The following SULF1 variants were observed in gnomAD, a reference collection of about 807,000 sequenced individuals.
SULF1 encodes extracellular sulfatase Sulf-1.
A neutral mutation model predicts 110.5 loss-of-function variants in SULF1; 46 were observed. That is an observed-to-expected ratio of 0.42 (90% CI 0.33 to 0.53). The LOEUF (loss-of-function observed/expected upper bound fraction) is 0.53. SULF1 is among the 20% of genes least tolerant of loss of function. SULF1 has a pLI of 0.12. For synonymous variants in SULF1, 371 were observed against 387.1 expected, an observed-to-expected ratio of 0.96 and a Z score of 0.49; for missense variants, 941 against 1,094.2, an observed-to-expected ratio of 0.86 and a Z score of 1.98.
chr8:69,542,497 G>A (rs984018100), intron 3 of SULF1, among the ~76,000 whole-genome samples: 4 of 151,786 alleles, frequency 2.6e-5, no homozygotes, highest in African/African-American at 4.8e-5. Flanking sequence ...CAGTGATTTG[G>A]GCTTAGCCAT....
chr8:69,515,363 C>T (rs1811858444), intron 3 of SULF1, among the ~76,000 whole-genome samples: 1 of 152,140 alleles, frequency 6.6e-6, no homozygotes, highest in Non-Finnish European at 1.5e-5. Flanking sequence ...TTATCTTGGC[C>T]CCTGTTAGCC....
At chr8:69,502,788 A>G (rs533614243) in intron 3 of SULF1, among the ~76,000 whole-genome samples, 1 of 150,028 alleles carries the variant, frequency 6.7e-6, no homozygotes, top group East Asian at 2.0e-4. Flanking sequence ...CCTGGGTTCA[A>G]GCAATTCTCC....
chr8:69,652,126 G>T (rs961344552), intron 22 of SULF1, among the ~76,000 whole-genome samples: 5 of 151,996 alleles, frequency 3.3e-5, no homozygotes, highest in African/African-American at 1.2e-4. Context: ...GTTTTCTGGG[G>T]TCACATCTCG....
chr8:69,629,390 C>T (rs1284949412), intron 18 of SULF1, 114 bp from the exon 19 acceptor site: 1 of 1,101,388 alleles, frequency 9.1e-7, no homozygotes, highest in East Asian at 2.5e-5. Flanking sequence ...GAAGGTCGTC[C>T]ATTATCTCTT....
At position 69,564,108 on chromosome 8, in the gene SULF1, A is replaced by G. The variant is rs759060276; in HGVS notation, c.133A>G (p.Ile45Val). 5 of 1,614,140 alleles carry G rather than the reference A, an allele frequency of 3.1e-6. No individual in the cohort carries two copies. Among genetic ancestry groups the G allele is most frequent in the Admixed American group, 1.7e-5 (1 of 60,014 alleles). ...GGAACGAAAAAACATCCGACCCAACATTATTCTTGTGCTTACCGATGATCA... is the reference window on the plus strand; with the variant it reads ...GGAACGAAAAAACATCCGACCCAACGTTATTCTTGTGCTTACCGATGATCA... ...QQERKNIRPN[I>V]ILVLTDDQDV... The change falls in exon 5 of 23, where the codon ATT becomes GTT. Residue 45 changes from isoleucine (I) to valine (V), a missense_variant. Ile to Val is a conservative substitution (Grantham distance 29). Transcript: ENST00000402687.
chr8:69,603,228 C>G lies in SULF1; in HGVS notation c.1098C>G (p.Pro366=). The G allele has an allele frequency of 6.2e-7, 1 of 1,614,198 alleles. No homozygotes were observed. The highest frequency in any genetic ancestry group is 8.5e-7 in the Non-Finnish European group (1 of 1,180,030). Residue 366 remains proline (P), a synonymous_variant, in exon 11 of 23, where the codon CCC becomes CCG. Coordinates refer to ENST00000402687, the MANE Select transcript of SULF1 (RefSeq NM_001128205.2). ...PQIVLNIDLA[P]TILDIAGLDT... is the part of the protein sequence containing the mutation. ...TCGTTCTCAACATTGACTTGGCCCC[C>G]ACGATCCTGGATATTGCTGGGCTCG...
At chr8:69,481,043 TAAAATA>T (rs556744959) in intron 1 of SULF1, among the ~76,000 whole-genome samples, 4 of 152,098 alleles carry the variant, frequency 2.6e-5, no homozygotes, top group Admixed American at 6.6e-5. Context: ...ATAATAATAA[TAAAATA>T]AAAATAAAAA....
intron 3 of SULF1, among the ~76,000 whole-genome samples, chr8:69,517,473 A>T (rs1219496010): frequency 3.3e-5 from 5 of 152,190 alleles, no homozygotes; most frequent in Non-Finnish European, 5.9e-5. Flanking sequence ...AATTCTAATA[A>T]GACATAAATT....
chr8:69,555,266 A>G (rs1815035561), intron 3 of SULF1, among the ~76,000 whole-genome samples: 1 of 152,152 alleles, frequency 6.6e-6, no homozygotes, highest in Non-Finnish European at 1.5e-5. Context: ...CGGGAGGCCA[A>G]GGGAAGGAGG....
chr8:69,640,183 AAAG>A (rs1811367896), intron 21 of SULF1, among the ~76,000 whole-genome samples: 1 of 145,866 alleles, frequency 6.9e-6, no homozygotes, highest in African/African-American at 2.5e-5. Flanking sequence ...AAGAAAGAGA[AAAG>A]AAAGAAAGAG....
intron 22 of SULF1, among the ~76,000 whole-genome samples, chr8:69,653,771 C>T (rs771088309): frequency 2.0e-5 from 3 of 152,170 alleles, no homozygotes; most frequent in Non-Finnish European, 4.4e-5. Flanking sequence ...GTCTAGGGTA[C>T]CCTAGCCATC....
chr8:69,577,187 C>T (rs915291580), intron 6 of SULF1, among the ~76,000 whole-genome samples: 3 of 152,178 alleles, frequency 2.0e-5, no homozygotes, highest in South Asian at 2.1e-4. Context: ...TTTTCTTATG[C>T]GTAGGAAAGA....
upstream of SULF1, among the ~76,000 whole-genome samples, chr8:69,492,449 A>G (rs1423108363): frequency 6.6e-6 from 1 of 152,156 alleles, no homozygotes; most frequent in African/African-American, 2.4e-5. Flanking sequence ...TCTAAGAAAC[A>G]TCAGTGTTTA....
intron 3 of SULF1, among the ~76,000 whole-genome samples, chr8:69,541,203 A>G (rs1351683162): frequency 6.6e-6 from 1 of 152,204 alleles, no homozygotes; most frequent in Admixed American, 6.5e-5. Flanking sequence ...GATGTCACAG[A>G]TGGCATCCAC....
chr8:69,481,616 A>G (rs1809524602), intron 1 of SULF1, among the ~76,000 whole-genome samples: 1 of 151,760 alleles, frequency 6.6e-6, no homozygotes, highest in South Asian at 2.1e-4. Context: ...CCTCCTCCCA[A>G]CCACTCACCC....
intron 5 of SULF1, among the ~76,000 whole-genome samples, chr8:69,570,537 A>C (rs899223772): frequency 9.2e-5 from 14 of 152,326 alleles, no homozygotes; most frequent in African/African-American, 3.4e-4. Flanking sequence ...TTTTTCATAC[A>C]AATGATTTTT....
chr8:69,564,056 C>G lies in SULF1; in HGVS notation c.81C>G (p.Ser27=). ...LLGSLCSTVR[S]PRFRGRIQQE... ...GAAGCCTCTGTTCGACTGTCAGATC[C>G]CCGAGGTTCAGAGGACGGATACAGC... Residue 27 remains serine, a synonymous_variant, in exon 5 of 23, where the codon TCC becomes TCG. Transcript: ENST00000402687. 6.2e-7 allele frequency: 1 copy of G among 1,614,148 alleles called. No individual in the cohort carries two copies. The highest frequency in any genetic ancestry group is 1.3e-5 in the African/African-American group (1 of 75,024).
chr8:69,508,109 A>ATT (rs11341009), intron 3 of SULF1, among the ~76,000 whole-genome samples: 163 of 147,774 alleles, frequency 1.1e-3, no homozygotes, highest in Non-Finnish European at 1.9e-3. Flanking sequence ...GATAATTATT[A>ATT]TTTTTTTTTT....
chr8:69,531,886 T>G (rs911455506), intron 3 of SULF1, among the ~76,000 whole-genome samples: 15 of 152,098 alleles, frequency 9.9e-5, no homozygotes, highest in Non-Finnish European at 1.5e-4. Flanking sequence ...TCTAAGCTGA[T>G]TACATACGCG....
Sources: allele counts gnomAD v4.1 joint callset (sites outside exome capture counted in the v4.1 genomes callset), GRCh38; gene constraint gnomAD v4.1.1; transcripts MANE v1.5; gene names NCBI Gene and HGNC (gene_info 2026-07-23, HGNC 2026-07-21).